Variants in EPHA6 observed in about 807,000 individuals in gnomAD.
EPHA6 encodes ephrin type-A receptor 6.
Under a neutral mutation model 112.0 loss-of-function variants are expected in EPHA6, and 50 were observed. The ratio of observed to expected loss-of-function variants is 0.45; its 90% CI spans 0.36 to 0.56. The LOEUF is 0.56. EPHA6 is among the 20% of genes least tolerant of loss of function. The pLI is 0.00. For synonymous variants in EPHA6, 529 were observed against 490.7 expected (o/e 1.08, Z -1.03); for missense variants, 1,280 against 1,417.4 (o/e 0.90, Z 1.56).
chr3:96,899,835 A>G (rs2107568234), intron 2 of EPHA6, among the ~76,000 whole-genome samples: 1 of 152,170 alleles, frequency 6.6e-6, no homozygotes, highest in Non-Finnish European at 1.5e-5. Context: ...GATTTTGGAA[A>G]TCTGCACACT....
At chr3:97,684,026 G>T (rs543834900) in intron 14 of EPHA6, among the ~76,000 whole-genome samples, 1 of 152,230 alleles carries the variant, frequency 6.6e-6, no homozygotes, top group South Asian at 2.1e-4. Flanking sequence ...TTGAAAAGAA[G>T]AAATAATAGG....
chr3:97,511,920 T>C (rs1364715363), intron 10 of EPHA6, among the ~76,000 whole-genome samples: 1 of 152,196 alleles, frequency 6.6e-6, no homozygotes, highest in African/African-American at 2.4e-5. Flanking sequence ...GCCAGCATTT[T>C]TAGTTTAATT....
At chr3:97,378,211 G>A (rs2085488638) in intron 5 of EPHA6, among the ~76,000 whole-genome samples, 1 of 152,164 alleles carries the variant, frequency 6.6e-6, no homozygotes, top group South Asian at 2.1e-4. Context: ...ACAGAGCTCA[G>A]TCTGTGGCTT....
chr3:97,563,591 TG>T (rs1294325137), intron 11 of EPHA6, among the ~76,000 whole-genome samples: 4 of 152,184 alleles, frequency 2.6e-5, no homozygotes, highest in African/African-American at 9.6e-5. Flanking sequence ...GCAGTTTTTG[TG>T]GCAAATTAAT....
chr3:97,058,592 A>G (rs1002447150), intron 3 of EPHA6, among the ~76,000 whole-genome samples: 2 of 152,156 alleles, frequency 1.3e-5, no homozygotes, highest in Admixed American at 6.5e-5. Flanking sequence ...GTGAGCCACC[A>G]TGCCCGGCCT....
chr3:97,631,738 G>C (rs937868587), intron 13 of EPHA6, among the ~76,000 whole-genome samples: 1 of 151,970 alleles, frequency 6.6e-6, no homozygotes, highest in African/African-American at 2.4e-5. Flanking sequence ...TGCAATTTTT[G>C]TTAATTCTCC....
At position 96,829,895 on chromosome 3, in the gene EPHA6, A is replaced by G. The variant is rs141252200; in HGVS notation, c.385+14887A>G. 7.2e-3 allele frequency among the ~76,000 whole-genome samples: 1,096 copies of G among 151,724 alleles called. 5 individuals carry two copies. Among genetic ancestry groups the G allele is most frequent in the Non-Finnish European group, 0.012 (815 of 67,896 alleles). ...CTTATAAACTTTCAGGCAGTTGTTT[A>G]TATGCTGAGCTAATACTGTCTGTAT... On this transcript the variant is annotated intron_variant, in intron 1 of 17. Coordinates refer to ENST00000389672, the MANE Select transcript of EPHA6 (RefSeq NM_001080448.3).
rs535381606 is a variant in EPHA6 at position 97,438,668 on chromosome 3, T to G, written c.1732-9900T>G. 3.3e-4 allele frequency among the ~76,000 whole-genome samples: 50 copies of G among 152,300 alleles called. No homozygotes were observed. The South Asian group carries it at 8.9e-3, about 27-fold the overall frequency. Reference sequence around the variant, plus strand: ...AAGTAAACACAACATTTTTTAAGACTTGTCACAGCATCTGCAAGATGACCT... The same window carrying G: ...AAGTAAACACAACATTTTTTAAGACGTGTCACAGCATCTGCAAGATGACCT... On this transcript the variant is annotated intron_variant, in intron 6 of 17. Transcript: ENST00000389672.
intron 10 of EPHA6, among the ~76,000 whole-genome samples, chr3:97,511,976 G>A (rs1163397251): frequency 1.3e-5 from 2 of 151,840 alleles, no homozygotes; most frequent in African/African-American, 2.4e-5. Context: ...AATAGTTCAA[G>A]ATATACATCG....
At chr3:97,007,750 C>T (rs887114877) in intron 3 of EPHA6, among the ~76,000 whole-genome samples, 4 of 152,090 alleles carry the variant, frequency 2.6e-5, no homozygotes, top group East Asian at 1.9e-4. Context: ...CCAGTTTTTC[C>T]TTTCCATATT....
intron 5 of EPHA6, among the ~76,000 whole-genome samples, chr3:97,305,137 A>G (rs897777174): frequency 6.6e-6 from 1 of 152,052 alleles, no homozygotes; most frequent in Non-Finnish European, 1.5e-5. Context: ...TAAAAGCTCA[A>G]CATCACTGAT....
chr3:97,546,982 G>T (rs1253756388), intron 11 of EPHA6, among the ~76,000 whole-genome samples: 2 of 151,998 alleles, frequency 1.3e-5, no homozygotes, highest in Non-Finnish European at 2.9e-5. Context: ...TTTTTTCAAA[G>T]CTTTTAACTT....
intron 1 of EPHA6, among the ~76,000 whole-genome samples, chr3:96,821,298 T>G (rs991361606): frequency 6.6e-6 from 1 of 151,980 alleles, no homozygotes; most frequent in Non-Finnish European, 1.5e-5. Context: ...TTTAGAAAAT[T>G]CATATTCTGG....
chr3:97,209,412 C>T (rs1375600530), intron 3 of EPHA6, among the ~76,000 whole-genome samples: 1 of 152,122 alleles, frequency 6.6e-6, no homozygotes, highest in Non-Finnish European at 1.5e-5. Context: ...GCTTACGTAT[C>T]ATCTCTGTGA....
intron 5 of EPHA6, among the ~76,000 whole-genome samples, chr3:97,326,080 A>G (rs1216356403): frequency 1.3e-5 from 2 of 152,096 alleles, no homozygotes; most frequent in Admixed American, 1.3e-4. Context: ...AAAGATTGTT[A>G]CTGATATGAG....
At chr3:97,024,835 A>AT (rs1387968458) in intron 3 of EPHA6, among the ~76,000 whole-genome samples, 1 of 152,062 alleles carries the variant, frequency 6.6e-6, no homozygotes, top group Non-Finnish European at 1.5e-5. Flanking sequence ...CTTGATTCTT[A>AT]TTTTTTTACT....
intron 13 of EPHA6, among the ~76,000 whole-genome samples, chr3:97,635,789 A>G (rs2093939800): frequency 6.6e-6 from 1 of 152,148 alleles, no homozygotes; most frequent in Admixed American, 6.6e-5. Context: ...TAAAAGATAC[A>G]TTGTATGGTA....
intron 2 of EPHA6, among the ~76,000 whole-genome samples, chr3:96,928,166 G>A (rs1329204308): frequency 6.6e-6 from 1 of 152,120 alleles, no homozygotes; most frequent in African/African-American, 2.4e-5. Context: ...ATTTGTGTGG[G>A]GACACAGAGC....
chr3:97,036,265 T>C (rs1028910390), intron 3 of EPHA6, among the ~76,000 whole-genome samples: 1 of 152,080 alleles, frequency 6.6e-6, no homozygotes, highest in East Asian at 1.9e-4. Flanking sequence ...GTTTCTGTCT[T>C]GTTCTATTTT....
Sources: allele counts gnomAD v4.1 joint callset (sites outside exome capture counted in the v4.1 genomes callset), GRCh38; gene constraint gnomAD v4.1.1; transcripts MANE v1.5; gene names NCBI Gene and HGNC (gene_info 2026-07-23, HGNC 2026-07-21).